MOV10L1: variants seen among roughly 807,000 people sequenced by gnomAD.
MOV10L1 encodes RNA helicase Mov10l1.
Under a neutral mutation model 143.8 loss-of-function variants are expected in MOV10L1, and 110 were observed. The ratio of observed to expected loss-of-function variants is 0.76; its 90% CI spans 0.66 to 0.90. MOV10L1 has a LOEUF of 0.90. Ranked by LOEUF, MOV10L1 falls within the 40% of genes least tolerant of loss-of-function variation. The pLI is 0.00. For synonymous variants in MOV10L1, 593 were observed against 581.1 expected (o/e 1.02, Z -0.29); for missense variants, 1,406 against 1,526.8 (o/e 0.92, Z 1.32).
chr22:50,110,016 G>A (rs957679766), intron 5 of MOV10L1, among the ~76,000 whole-genome samples: 3 of 151,866 alleles, frequency 2.0e-5, no homozygotes, highest in Non-Finnish European at 4.4e-5. Flanking sequence ...GGTTGTGGTG[G>A]CAGGCACCTG....
At chr22:50,143,482 T>C (rs2063048488) in intron 17 of MOV10L1, 2 of 492,596 alleles carry the variant, frequency 4.1e-6, no homozygotes, top group Admixed American at 3.3e-5. Flanking sequence ...AGAAAAGAAG[T>C]TACTCTTATA....
intron 5 of MOV10L1, among the ~76,000 whole-genome samples, 157 bp downstream of exon 5, chr22:50,109,001 G>A (rs2061948975): frequency 6.6e-6 from 1 of 152,072 alleles, no homozygotes; most frequent in Admixed American, 6.6e-5. Context: ...AAAATTAGCT[G>A]GGCGTGGTGG....
intron 5 of MOV10L1, 63 bp downstream of exon 5, chr22:50,108,907 G>T: frequency 1.3e-6 from 2 of 1,518,990 alleles, no homozygotes; most frequent in Non-Finnish European, 1.8e-6. Flanking sequence ...CACTTTGGGA[G>T]GCTGAGGCAG....
At chr22:50,142,299 G>A in intron 16 of MOV10L1, 110 bp downstream of exon 16, 1 of 778,212 alleles carries the variant, frequency 1.3e-6, no homozygotes, top group African/African-American at 1.8e-5. Context: ...TAGGGGGCGT[G>A]TGGCCTGTGA....
In MOV10L1 at chr22:50,090,015, G is replaced by A. The variant is rs1213591172; in HGVS notation, c.-74G>A. 7 of 1,115,750 alleles carry A rather than the reference G, an allele frequency of 6.3e-6. No homozygotes were observed. Among genetic ancestry groups the A allele is most frequent in the East Asian group, 9.5e-5 (2 of 21,108 alleles). 69.1% of individuals were successfully genotyped at this position (1,115,750 alleles called of 1,614,324 possible). ...CAGGCGCGGCGACCCCATTGGTGGC[G>A]GGCGGCGGGAGCGGCGCGGGCGCGT... On this transcript the variant is annotated 5_prime_UTR_variant, in exon 1 of 27. Coordinates refer to ENST00000262794, the MANE Select transcript of MOV10L1 (RefSeq NM_018995.3).
intron 10 of MOV10L1, 98 bp from the exon 11 acceptor site, chr22:50,125,294 C>A: frequency 7.9e-7 from 1 of 1,262,250 alleles, no homozygotes; most frequent in Non-Finnish European, 1.1e-6. Context: ...GGGCCATCTG[C>A]TGAACTGGAG....
At chr22:50,150,019 C>T (rs560672972) in intron 20 of MOV10L1, among the ~76,000 whole-genome samples, 22 of 152,216 alleles carry the variant, frequency 1.4e-4, no homozygotes, top group Non-Finnish European at 2.9e-4. Context: ...CCTGGAGGGG[C>T]GGACAGGGCC....
Position 50,106,954 on chromosome 22 carries a change from G to A in MOV10L1, c.443-1182G>A, listed in dbSNP as rs189499189. 9.2e-5 allele frequency among the ~76,000 whole-genome samples: 14 copies of A among 152,028 alleles called. No homozygotes were observed. In the East Asian group the frequency reaches 2.7e-3, roughly 29 times the overall value. On this transcript the variant is annotated intron_variant, in intron 3 of 26. Coordinates refer to ENST00000262794, the MANE Select transcript of MOV10L1 (RefSeq NM_018995.3). ...CTGACCTCATGATCCACCCGCCTCG[G>A]CCTCCCAAAGTGCTGGGATTACAGG...
chr22:50,107,323 A>C (rs573359695), intron 3 of MOV10L1, among the ~76,000 whole-genome samples: 109 of 152,038 alleles, frequency 7.2e-4, no homozygotes, highest in African/African-American at 2.6e-3. Context: ...CGGCCTCCCA[A>C]AGTGCTGGGA....
At chr22:50,149,772 G>T in intron 20 of MOV10L1, 58 bp downstream of exon 20, 2 of 1,474,878 alleles carry the variant, frequency 1.4e-6, no homozygotes, top group Non-Finnish European at 9.3e-7. Flanking sequence ...CTGAGGGGAT[G>T]CAGGCTGCGA....
chr22:50,155,797 A>G (rs918708150), intron 22 of MOV10L1, among the ~76,000 whole-genome samples: 12 of 152,102 alleles, frequency 7.9e-5, no homozygotes, highest in African/African-American at 2.4e-5. Flanking sequence ...TTTAAATTCT[A>G]GGGCCGGATG....
At chr22:50,124,765 C>T (rs138239) in intron 10 of MOV10L1, among the ~76,000 whole-genome samples, 39,809 of 151,990 alleles carry the variant, frequency 0.26, 5,699 homozygotes, top group Non-Finnish European at 0.33. Flanking sequence ...CTCTTCCCAG[C>T]GCTCAGCCCC....
chr22:50,141,355 T>TG (rs894877203), intron 15 of MOV10L1, among the ~76,000 whole-genome samples: 3 of 151,528 alleles, frequency 2.0e-5, no homozygotes, highest in Admixed American at 6.6e-5. Context: ...TTTATGAGTT[T>TG]GGGGGGTCTC....
At chr22:50,113,818 A>G in intron 6 of MOV10L1, 30 bp downstream of exon 6, 3 of 1,546,744 alleles carry the variant, frequency 1.9e-6, no homozygotes, top group Non-Finnish European at 2.6e-6. Flanking sequence ...ATTTTCTATA[A>G]AGCTACATTA....
chr22:50,123,411 C>G (rs933846193), intron 10 of MOV10L1, among the ~76,000 whole-genome samples: 1 of 152,146 alleles, frequency 6.6e-6, no homozygotes, highest in Non-Finnish European at 1.5e-5. Flanking sequence ...GTTGCCCAGG[C>G]TGGAGTGCAA....
At chr22:50,109,024 A>G (rs1448837881) in intron 5 of MOV10L1, among the ~76,000 whole-genome samples, 180 bp downstream of exon 5, 1 of 151,992 alleles carries the variant, frequency 6.6e-6, no homozygotes, top group Non-Finnish European at 1.5e-5. Context: ...CTCGCCTGTA[A>G]TCCCAGCTAC....
Position 50,113,670 on chromosome 22 carries a change from G to T in MOV10L1, c.766G>T (p.Ala256Ser). The change falls in exon 6 of 27, where the codon GCC becomes TCC. Residue 256 changes from alanine to serine, a missense_variant. Ala to Ser is a moderately conservative substitution (Grantham distance 99). Coordinates refer to ENST00000262794, the MANE Select transcript of MOV10L1 (RefSeq NM_018995.3). ...KRRDAAPVHE[A>S]THFYGTILLK... Reference sequence around the variant, plus strand: ...CAGAGACGCCGCCCCTGTTCATGAGGCCACTCATTTCTATGGAACGATTTT... The same window carrying T: ...CAGAGACGCCGCCCCTGTTCATGAGTCCACTCATTTCTATGGAACGATTTT... 6.2e-7 allele frequency: 1 copy of T among 1,613,856 alleles called. No homozygotes were observed. Among genetic ancestry groups the T allele is most frequent in the Non-Finnish European group, 8.5e-7 (1 of 1,179,924 alleles).
chr22:50,132,761 G>A (rs1223195411), intron 13 of MOV10L1, among the ~76,000 whole-genome samples: 2 of 152,340 alleles, frequency 1.3e-5, no homozygotes, highest in Admixed American at 1.3e-4. Flanking sequence ...TAGGTTGGGT[G>A]TGGTGGTTCA....
intron 22 of MOV10L1, among the ~76,000 whole-genome samples, chr22:50,157,761 CA>C (rs35212822): frequency 0.023 from 2,740 of 120,270 alleles, 55 homozygotes; most frequent in South Asian, 0.044. Flanking sequence ...GGTCTAATAT[CA>C]AAAAAAAAAA....
Sources: allele counts gnomAD v4.1 joint callset (sites outside exome capture counted in the v4.1 genomes callset), GRCh38; gene constraint gnomAD v4.1.1; transcripts MANE v1.5; gene names NCBI Gene and HGNC (gene_info 2026-07-23, HGNC 2026-07-21).